Variants in ABTB3 observed in about 807,000 individuals in gnomAD.
ABTB3 encodes ankyrin repeat- and BTB/POZ domain-containing protein 3.
At chr12:107,338,993 T>C in the ABTB3 span, among the ~76,000 whole-genome samples, 1 of 152,160 alleles carries the variant, frequency 6.6e-6, no homozygotes, top group Non-Finnish European at 1.5e-5. Context: ...ACTCAGCTTA[T>C]CAGAGCATTT....
chr12:107,453,308 A>G, the ABTB3 span, among the ~76,000 whole-genome samples: 3 of 152,010 alleles, frequency 2.0e-5, no homozygotes, highest in Non-Finnish European at 4.4e-5. Context: ...GTCTTCCCCA[A>G]CCCCTAAATT....
chr12:107,564,090 C>CTGTGTGTG, the ABTB3 span, among the ~76,000 whole-genome samples: 1,280 of 126,346 alleles, frequency 0.01, 7 homozygotes, highest in African/African-American at 0.013. Context: ...ATCTATCTCT[C>CTGTGTGTG]TGTGTGTGTG....
chr12:107,338,188 C>A, the ABTB3 span, among the ~76,000 whole-genome samples: 1 of 152,154 alleles, frequency 6.6e-6, no homozygotes, highest in East Asian at 1.9e-4. Flanking sequence ...CCAAACTCAC[C>A]TGCCAGTTGA....
the ABTB3 span, among the ~76,000 whole-genome samples, chr12:107,408,016 C>G: frequency 6.6e-6 from 1 of 151,800 alleles, no homozygotes; most frequent in Non-Finnish European, 1.5e-5. Context: ...GTCGTTGCAA[C>G]GAAATAAATA....
At chr12:107,570,024 G>T in the ABTB3 span, among the ~76,000 whole-genome samples, 2 of 152,156 alleles carry the variant, frequency 1.3e-5, no homozygotes, top group Non-Finnish European at 2.9e-5. Context: ...ACAAGGAACC[G>T]CTGCTTAGAC....
chr12:107,469,160 G>C, the ABTB3 span, among the ~76,000 whole-genome samples: 1 of 152,200 alleles, frequency 6.6e-6, no homozygotes, highest in African/African-American at 2.4e-5. Context: ...CCGGCCACCA[G>C]CAGCTCTGGA....
At chr12:107,405,445 T>C in the ABTB3 span, among the ~76,000 whole-genome samples, 1 of 152,370 alleles carries the variant, frequency 6.6e-6, no homozygotes, top group African/African-American at 2.4e-5. Flanking sequence ...TGACTTATAT[T>C]CTACTTTAGA....
the ABTB3 span, chr12:107,658,870 C>T: frequency 6.6e-6 from 1 of 152,548 alleles, no homozygotes; most frequent in Non-Finnish European, 1.5e-5. Context: ...AAAGATGAAA[C>T]ATGTATGATA....
the ABTB3 span, among the ~76,000 whole-genome samples, chr12:107,619,360 T>C: frequency 2.6e-5 from 4 of 152,200 alleles, no homozygotes; most frequent in Non-Finnish European, 5.9e-5. Context: ...GAGGAAGACC[T>C]GATGAAGTAC....
the ABTB3 span, chr12:107,651,666 AT>A: frequency 6.2e-7 from 1 of 1,611,202 alleles, no homozygotes; most frequent in Non-Finnish European, 8.5e-7. Flanking sequence ...TCTTTTTGTG[AT>A]TTTTAGCTTC....
the ABTB3 span, among the ~76,000 whole-genome samples, chr12:107,500,811 C>G: frequency 3.9e-5 from 6 of 152,316 alleles, no homozygotes; most frequent in African/African-American, 1.4e-4. Context: ...AAGACTGCAG[C>G]CCAGCCTTGT....
At chr12:107,548,522 T>G in the ABTB3 span, among the ~76,000 whole-genome samples, 1 of 152,234 alleles carries the variant, frequency 6.6e-6, no homozygotes, top group African/African-American at 2.4e-5. Flanking sequence ...TTGGATAGTT[T>G]CGTTTTTCAT....
At chr12:107,529,882 GGAAAGTAGATGTGTGGATAATTTACTGT>G in the ABTB3 span, among the ~76,000 whole-genome samples, 1 of 152,112 alleles carries the variant, frequency 6.6e-6, no homozygotes, top group Non-Finnish European at 1.5e-5. Flanking sequence ...AACTCAGTAG[GGAAAGTAGATGTGTGGATAATTTACTGT>G]GAAATGCAAC....
chr12:107,441,126 A>C, the ABTB3 span, among the ~76,000 whole-genome samples: 1 of 152,322 alleles, frequency 6.6e-6, no homozygotes, highest in South Asian at 2.1e-4. Context: ...AGAGTGCCTA[A>C]GAATTACCTG....
At chr12:107,630,467 T>G in the ABTB3 span, among the ~76,000 whole-genome samples, 4 of 152,124 alleles carry the variant, frequency 2.6e-5, no homozygotes, top group Non-Finnish European at 5.9e-5. Flanking sequence ...ATTTCCATGG[T>G]AGGAAGTTTT....
chr12:107,648,380 CCACACACACACA>C, the ABTB3 span, among the ~76,000 whole-genome samples: 2 of 140,098 alleles, frequency 1.4e-5, no homozygotes, highest in African/African-American at 2.7e-5. Flanking sequence ...GACCCCATCT[CCACACACACACA>C]CACACACACA....
the ABTB3 span, among the ~76,000 whole-genome samples, chr12:107,334,563 T>A: frequency 6.6e-6 from 1 of 152,098 alleles, no homozygotes. Context: ...GTTCGAGGTA[T>A]CTTTTAGGTG....
At chr12:107,386,182 C>T in the ABTB3 span, among the ~76,000 whole-genome samples, 1 of 152,218 alleles carries the variant, frequency 6.6e-6, no homozygotes, top group South Asian at 2.1e-4. Flanking sequence ...ACCTAGTAGA[C>T]TCCATTCCTC....
chr12:107,622,666 G>C, the ABTB3 span, among the ~76,000 whole-genome samples: 5 of 152,196 alleles, frequency 3.3e-5, no homozygotes, highest in African/African-American at 7.2e-5. Context: ...TAGAAACAAG[G>C]TTTCACCATG....
Sources: allele counts gnomAD v4.1 joint callset (sites outside exome capture counted in the v4.1 genomes callset), GRCh38; gene constraint gnomAD v4.1.1; transcripts MANE v1.5; gene names NCBI Gene and HGNC (gene_info 2026-07-23, HGNC 2026-07-21).